GLIS3: variants seen among roughly 807,000 people sequenced by gnomAD.
GLIS3 encodes GLIS family zinc finger 3, also known as zinc finger protein GLIS3.
Under a neutral mutation model 78.6 loss-of-function variants are expected in GLIS3, and 53 were observed. The observed-to-expected ratio is 0.67, with a 90% CI of 0.54 to 0.85. GLIS3 has a LOEUF of 0.85. Among genes scored for constraint, GLIS3 ranks in the 40% least tolerant of loss-of-function variants. The pLI, the probability that GLIS3 is intolerant of heterozygous loss-of-function variation, is 0.00. For synonymous variants in GLIS3, 684 were observed against 509.9 expected (o/e 1.34, Z -4.60); for missense variants, 1,703 against 1,231.1 (o/e 1.38, Z -5.74).
the GLIS3 span, among the ~76,000 whole-genome samples, chr9:4,363,398 GAC>G: frequency 4.6e-5 from 7 of 152,336 alleles, no homozygotes; most frequent in Admixed American, 1.3e-4. Flanking sequence ...ACTCCTGGGT[GAC>G]AGAGACTCAG....
intron 4 of GLIS3, among the ~76,000 whole-genome samples, chr9:3,941,828 G>C (rs1411305088): frequency 6.6e-6 from 1 of 152,088 alleles, no homozygotes; most frequent in African/African-American, 2.4e-5. Flanking sequence ...AAGAATCTTA[G>C]CTTGTTCCAC....
chr9:3,949,132 TAAG>T (rs1199105076), intron 4 of GLIS3, among the ~76,000 whole-genome samples: 1 of 152,232 alleles, frequency 6.6e-6, no homozygotes, highest in East Asian at 1.9e-4. Flanking sequence ...GTCAAGGAGA[TAAG>T]AAAAAGAACA....
At chr9:4,484,076 G>A in the GLIS3 span, among the ~76,000 whole-genome samples, 1 of 152,106 alleles carries the variant, frequency 6.6e-6, no homozygotes. Flanking sequence ...CTTCTATGTA[G>A]CAATAGTATA....
In GLIS3 at chr9:4,118,937, C is replaced by T. The variant is rs2130884278; in HGVS notation, c.597-56G>A. 1 of 1,552,062 alleles carries T rather than the reference C, an allele frequency of 6.4e-7. No homozygotes were observed. Among genetic ancestry groups the T allele is most frequent in the Non-Finnish European group, 8.7e-7 (1 of 1,149,424 alleles). On this transcript the variant is annotated intron_variant, in intron 3 of 10. Transcript: ENST00000381971. This position sits in a 1 kb window ranked among gnomAD's most constrained non-coding sequence, Gnocchi z 4.7. ...AAAAGATAAACATTTTAGCAGGATA[C>T]GGATTGCTTAAGAGCTAAAAGAACA... is the stretch of plus-strand genomic sequence containing the variant.
the GLIS3 span, among the ~76,000 whole-genome samples, chr9:4,363,342 G>A: frequency 2.6e-5 from 4 of 152,282 alleles, no homozygotes; most frequent in African/African-American, 7.2e-5. Context: ...AGAATTGCTT[G>A]AATCCCTGAG....
chr9:3,991,303 C>T (rs1361172059), intron 4 of GLIS3, among the ~76,000 whole-genome samples: 1 of 151,930 alleles, frequency 6.6e-6, no homozygotes, highest in Non-Finnish European at 1.5e-5. Context: ...TTTTACTTTC[C>T]CCTCAAAGCC....
chr9:4,033,818 C>A (rs921264434), intron 4 of GLIS3, among the ~76,000 whole-genome samples: 1 of 116,650 alleles, frequency 8.6e-6, no homozygotes, highest in South Asian at 2.9e-4. Flanking sequence ...ATGCACATGG[C>A]AACACAAGGA....
intron 9 of GLIS3, among the ~76,000 whole-genome samples, chr9:3,831,405 T>G (rs1818037108): frequency 6.6e-6 from 1 of 152,050 alleles, no homozygotes; most frequent in Non-Finnish European, 1.5e-5. Context: ...GAAATACAAA[T>G]CAAAACAATG....
In GLIS3 at chr9:4,021,335, G is replaced by A. The variant is rs577599018; in HGVS notation, c.1711-84146C>T. The stretch of plus-strand genomic sequence containing the variant: ...TTTATAACATTTTATATGTGGTTTT[G>A]ATGCAACTGAATAAGAGATTTCTCA... On this transcript the variant is annotated intron_variant, in intron 4 of 10. Coordinates refer to ENST00000381971, the MANE Select transcript of GLIS3 (RefSeq NM_001042413.2). Among the ~76,000 whole-genome samples the A allele has an allele frequency of 5.3e-5, 8 of 152,190 alleles. No homozygotes were observed. The East Asian group carries it at 1.5e-3, about 29-fold the overall frequency.
Position 4,286,271 on chromosome 9 carries a change from G to T in GLIS3, c.155C>A (p.Ala52Glu). Reference sequence around the variant, plus strand: ...GAGATGGAGGTTGTTAGCAAGGCTTGCCATAGTGGGACTCGATGTGCTGCC... The same window carrying T: ...GAGATGGAGGTTGTTAGCAAGGCTTTCCATAGTGGGACTCGATGTGCTGCC... ...PCGSTSSPTM[A>E]SLANNLHLKM... The change falls in exon 2 of 11, where the codon GCA becomes GAA. Residue 52 changes from alanine to glutamate, a missense_variant. Transcript: ENST00000381971. 1 of 1,614,242 alleles carries T rather than the reference G, an allele frequency of 6.2e-7. No homozygotes were observed. The highest frequency in any genetic ancestry group is 8.5e-7 in the Non-Finnish European group (1 of 1,180,038).
At chr9:4,151,512 C>A (rs1238207628) in intron 2 of GLIS3, among the ~76,000 whole-genome samples, 1 of 152,314 alleles carries the variant, frequency 6.6e-6, no homozygotes, top group African/African-American at 2.4e-5. Flanking sequence ...GCATATGGAA[C>A]TTGACAGCAT....
the GLIS3 span, among the ~76,000 whole-genome samples, chr9:4,456,163 C>A: frequency 6.6e-6 from 1 of 152,102 alleles, no homozygotes; most frequent in African/African-American, 2.4e-5. Flanking sequence ...CATGCGATAG[C>A]ATTATGTCTT....
At chr9:3,880,046 G>C (rs1045085152) in intron 7 of GLIS3, among the ~76,000 whole-genome samples, 1 of 152,006 alleles carries the variant, frequency 6.6e-6, no homozygotes, top group Non-Finnish European at 1.5e-5. Flanking sequence ...AGGTCAGCTG[G>C]GGCCCCTCTC....
At chr9:4,287,269 C>A (rs1828081620) in intron 1 of GLIS3, among the ~76,000 whole-genome samples, 1 of 152,144 alleles carries the variant, frequency 6.6e-6, no homozygotes, top group Non-Finnish European at 1.5e-5. Context: ...AACGTCCCTT[C>A]TAAAAGTGAC....
chr9:4,458,850 C>T, the GLIS3 span, among the ~76,000 whole-genome samples: 2 of 152,040 alleles, frequency 1.3e-5, no homozygotes, highest in Non-Finnish European at 2.9e-5. Context: ...TTTGATGAAA[C>T]AGCAAATACA....
intron 2 of GLIS3, chr9:4,285,712 T>C (rs954304737): frequency 1.5e-4 from 52 of 350,706 alleles, no homozygotes; most frequent in African/African-American, 9.7e-4. Context: ...GCTACCTGTA[T>C]CCGGAGGGCA....
chr9:4,253,265 C>T (rs13292151), intron 2 of GLIS3, among the ~76,000 whole-genome samples: 17,281 of 152,310 alleles, frequency 0.11, 1,240 homozygotes, highest in Non-Finnish European at 0.16. Context: ...GTTTTATCTA[C>T]AAGCCCCTGA....
intron 8 of GLIS3, among the ~76,000 whole-genome samples, chr9:3,868,924 T>C (rs1346308197): frequency 6.6e-6 from 1 of 152,186 alleles, no homozygotes; most frequent in Non-Finnish European, 1.5e-5. Flanking sequence ...TCTAGTCCTT[T>C]CTCCCCAATT....
the GLIS3 span, among the ~76,000 whole-genome samples, chr9:4,488,515 G>A: frequency 7.4e-6 from 1 of 135,244 alleles, no homozygotes; most frequent in Non-Finnish European, 1.6e-5. Flanking sequence ...TCTCGCGCAC[G>A]CTCTCTCTCT....
Sources: allele counts gnomAD v4.1 joint callset (sites outside exome capture counted in the v4.1 genomes callset), GRCh38; gene constraint gnomAD v4.1.1; non-coding constraint Gnocchi (gnomAD v3.1); transcripts MANE v1.5; gene names NCBI Gene and HGNC (gene_info 2026-07-23, HGNC 2026-07-21).